The following PQBP1 variants were observed in gnomAD, a reference collection of about 807,000 sequenced individuals.
The protein encoded by PQBP1 is polyglutamine-binding protein 1.
A neutral mutation model predicts 20.9 loss-of-function variants in PQBP1; 3 were observed. The ratio of observed to expected loss-of-function variants is 0.14; its 90% confidence interval spans 0.07 to 0.37. PQBP1 has a LOEUF of 0.37. PQBP1 is among the 10% of genes least tolerant of loss of function. The pLI, the probability that PQBP1 is intolerant of heterozygous loss-of-function variation, is 1.00. For synonymous variants in PQBP1, 83 were observed against 93.8 expected (o/e 0.88, Z 0.67); for missense variants, 162 against 240.3 (o/e 0.67, Z 2.16).
At position 48,897,981 on chromosome X, in the gene PQBP1, T is replaced by A; in HGVS notation, c.-120T>A. On this transcript the variant is annotated 5_prime_UTR_variant, in exon 1 of 7. Transcript: ENST00000447146. ...AGGCCTCGTTGAGAGAAGGTCTCATTCGGTGTTTTGGGAAGAGAGTCGTGT... is the reference window on the plus strand; with the variant it reads ...AGGCCTCGTTGAGAGAAGGTCTCATACGGTGTTTTGGGAAGAGAGTCGTGT... 1 of 930,468 alleles carries A rather than the reference T, an allele frequency of 1.1e-6. No individual in the cohort carries two copies. 76.7% of individuals were successfully genotyped at this position (930,468 alleles called of 1,213,427 possible).
At chrX:48,898,289 G>C (rs1287257779) in intron 1 of PQBP1, 4 of 656,710 alleles carry the variant, frequency 6.1e-6, no homozygotes, top group Non-Finnish European at 9.7e-6. Flanking sequence ...CTGGTTTCGG[G>C]GACAGTAGGG....
intron 2 of PQBP1, 53 bp from the exon 3 acceptor site, chrX:48,901,136 GA>G: frequency 8.5e-7 from 1 of 1,179,843 alleles, no homozygotes; most frequent in East Asian, 3.1e-5. Flanking sequence ...CTACATGTAG[GA>G]TGAGGTCCCC....
intron 3 of PQBP1, 52 bp from the exon 4 acceptor site, chrX:48,901,878 G>C: frequency 8.3e-7 from 1 of 1,207,254 alleles, no homozygotes; most frequent in Admixed American, 2.2e-5. Context: ...CAAGAGTTGA[G>C]GATCCAAGGC....
chrX:48,902,437 A>G lies in PQBP1; in HGVS notation c.497A>G (p.Asp166Gly). 1 of 1,208,982 alleles carries G rather than the reference A, an allele frequency of 8.3e-7. No individual in the cohort carries two copies. The highest frequency in any genetic ancestry group is 1.1e-6 in the Non-Finnish European group (1 of 894,381). Residue 166 changes from aspartate (D) to glycine (G), a missense_variant, in exon 5 of 7, where the codon GAC becomes GGC. By Grantham distance (94) the Asp-to-Gly change is moderately conservative. Coordinates refer to ENST00000447146, the MANE Select transcript of PQBP1 (RefSeq NM_001032382.2). ...GAACGGGATCGGGACCGCGGGTATG[A>G]CAAGGCAGACCGGGAAGAGGGCAAA... ...DRERDRDRGY[D>G]KADREEGKER...
Position 48,898,067 on chromosome X carries a change from C to T in PQBP1, c.-34C>T, listed in dbSNP as rs781891692. ...GGGCGGTGTGACAGCCTTCCACTACCTGCACGAGTGTATTGGTAACGTTGG... is the reference window on the plus strand; with the variant it reads ...GGGCGGTGTGACAGCCTTCCACTACTTGCACGAGTGTATTGGTAACGTTGG... On this transcript the variant is annotated 5_prime_UTR_variant, in exon 1 of 7. Coordinates refer to ENST00000447146, the MANE Select transcript of PQBP1 (RefSeq NM_001032382.2). The T allele has an allele frequency of 1.3e-3, 1,320 of 1,036,439 alleles. 2 individuals carry two copies. Among genetic ancestry groups the T allele is most frequent in the Non-Finnish European group, 1.6e-3 (1,263 of 810,570 alleles). 85.4% of individuals were successfully genotyped at this position (1,036,439 alleles called of 1,213,427 possible).
chrX:48,902,932 A>G lies in PQBP1; in HGVS notation c.646A>G (p.Thr216Ala). 8.4e-7 allele frequency: 1 copy of G among 1,196,769 alleles called. No individual in the cohort carries two copies. Among genetic ancestry groups the G allele is most frequent in the Non-Finnish European group, 1.1e-6 (1 of 888,234 alleles). ...CCCTGACTCTTTCACCGGCAGGGGC[A>G]CGTGGTCAACAGGACTCCCCAAGCG... ...PSSYSDAPRGTWSTGLPKRNE... is the reference protein window; with the variant it reads ...PSSYSDAPRGAWSTGLPKRNE... Residue 216 changes from threonine to alanine, a missense_variant, in exon 7 of 7, where the codon ACG becomes GCG. By Grantham distance (58) the Thr-to-Ala change is moderately conservative. Coordinates refer to ENST00000447146, the MANE Select transcript of PQBP1 (RefSeq NM_001032382.2).
chrX:48,901,147 CT>C, intron 2 of PQBP1, 42 bp from the exon 3 acceptor site: 1 of 1,187,010 alleles, frequency 8.4e-7, no homozygotes, highest in Admixed American at 2.4e-5. Context: ...ATGAGGTCCC[CT>C]GGTCCTTATC....
At position 48,902,270 on chromosome X, in the gene PQBP1, G is replaced by A. The variant is rs2063429464; in HGVS notation, c.330G>A (p.Ser110=). The change falls in exon 5 of 7, where the codon TCG becomes TCA. Residue 110 remains serine, a synonymous_variant. Transcript: ENST00000447146. ...AGTTGGACCGGAGCCATGACAAGTC[G>A]GACAGGGGCCATGACAAGTCGGACC... The part of the protein sequence containing the change: ...EEKLDRSHDK[S]DRGHDKSDRS... The A allele has an allele frequency of 3.3e-6, 4 of 1,207,601 alleles. No individual in the cohort carries two copies. The highest frequency in any genetic ancestry group is 3.0e-5 in the East Asian group (1 of 33,730).
In PQBP1 at chrX:48,902,478, C is replaced by T; in HGVS notation, c.538C>T (p.Arg180Cys). 10 of 1,206,741 alleles carry T rather than the reference C, an allele frequency of 8.3e-6. No homozygotes were observed. The highest frequency in any genetic ancestry group is 1.1e-5 in the Non-Finnish European group (10 of 893,638). The change falls in exon 5 of 7, where the codon CGC becomes TGC. Residue 180 changes from arginine to cysteine, a missense_variant. Transcript: ENST00000447146. ...AGAGGGCAAAGAACGGCGCCACCAT[C>T]GCCGGGAGGAGCTGGCTCCCTATCC... Reference protein sequence around the residue: ...REEGKERRHHRREELAPYPKS... With the variant: ...REEGKERRHHCREELAPYPKS...
In PQBP1 at chrX:48,902,807, C is replaced by A; in HGVS notation, c.641+12C>A. 1 of 1,198,742 alleles carries A rather than the reference C, an allele frequency of 8.3e-7. No homozygotes were observed. Among genetic ancestry groups the A allele is most frequent in the Non-Finnish European group, 1.1e-6 (1 of 889,051 alleles). ...TCAGACGCCCCCCGGTAAGTGACAA[C>A]CCCTCTTGACTCAGTACGTGGACAC... On this transcript the variant is annotated intron_variant, in intron 6 of 6. Transcript: ENST00000447146.
chrX:48,899,791 G>T (rs985609942), intron 2 of PQBP1, among the ~76,000 whole-genome samples: 1 of 111,595 alleles, frequency 9.0e-6, no homozygotes, highest in East Asian at 2.8e-4. Context: ...GGCCTACTGT[G>T]CTCTGGCTGC....
intron 2 of PQBP1, among the ~76,000 whole-genome samples, chrX:48,899,166 C>T (rs1557040429): frequency 9.1e-6 from 1 of 110,087 alleles, no homozygotes; most frequent in African/African-American, 3.3e-5. Flanking sequence ...TTAGTAGAGA[C>T]GGGTTTCACC....
At chrX:48,898,679 C>A in intron 2 of PQBP1, 103 bp downstream of exon 2, 3 of 831,613 alleles carry the variant, frequency 3.6e-6, no homozygotes, top group East Asian at 3.4e-5. Context: ...AACTGTGCAC[C>A]AAGCAATGGG....
At position 48,898,056 on chromosome X, in the gene PQBP1, C is replaced by A. The variant is rs909079551; in HGVS notation, c.-45C>A. The A allele has an allele frequency of 1.5e-5, 15 of 1,033,261 alleles. No individual in the cohort carries two copies. The highest frequency in any genetic ancestry group is 1.9e-5 in the Non-Finnish European group (15 of 808,226). The allele number at this position is 1,033,261 out of a possible 1,213,427, so 85.2% of individuals were successfully genotyped here. On this transcript the variant is annotated 5_prime_UTR_variant, in exon 1 of 7. Coordinates refer to ENST00000447146, the MANE Select transcript of PQBP1 (RefSeq NM_001032382.2). ...ACGAGAGAGACGGGCGGTGTGACAG[C>A]CTTCCACTACCTGCACGAGTGTATT... is the stretch of plus-strand genomic sequence containing the variant.
intron 1 of PQBP1, 90 bp from the exon 2 acceptor site, chrX:48,898,402 T>G: frequency 1.2e-6 from 1 of 808,738 alleles, no homozygotes; most frequent in Non-Finnish European, 1.9e-6. Flanking sequence ...CGGAGTCAGA[T>G]GAGTACATGT....
intron 3 of PQBP1, chrX:48,901,604 A>G (rs1446317947): frequency 1.4e-5 from 7 of 494,638 alleles, no homozygotes; most frequent in African/African-American, 2.4e-5. Flanking sequence ...TCAGCCTCCC[A>G]GGTAGCTGGG....
At position 48,901,268 on chromosome X, in the gene PQBP1, C is replaced by T; in HGVS notation, c.146C>T (p.Pro49Leu). The T allele has an allele frequency of 8.3e-7, 1 of 1,208,554 alleles. No homozygotes were observed. Among genetic ancestry groups the T allele is most frequent in the South Asian group, 1.8e-5 (1 of 56,049 alleles). ...GAGGCCACCAGGTTGGAGGGCCTAC[C>T]ACCAAGCTGGTACAAGGTGTTCGAC... Reference protein sequence around the residue: ...DYEATRLEGLPPSWYKVFDPS... With the variant: ...DYEATRLEGLLPSWYKVFDPS... Residue 49 changes from proline to leucine, a missense_variant, in exon 3 of 7, where the codon CCA becomes CTA. Pro to Leu is a moderately conservative substitution (Grantham distance 98, BLOSUM62 -3). Transcript: ENST00000447146.
intron 2 of PQBP1, 47 bp downstream of exon 2, chrX:48,898,623 A>T: frequency 6.1e-6 from 7 of 1,155,390 alleles, no homozygotes; most frequent in Non-Finnish European, 7.1e-6. Context: ...CAGCCTCGAC[A>T]GGCACTTTTG....
chrX:48,901,316 G>T lies in PQBP1; in HGVS notation c.179+15G>T. The T allele has an allele frequency of 1.7e-6, 2 of 1,188,421 alleles. No individual in the cohort carries two copies. The highest frequency in any genetic ancestry group is 2.3e-6 in the Non-Finnish European group (2 of 883,411). On this transcript the variant is annotated intron_variant, in intron 3 of 6. Transcript: ENST00000447146. ...GACCCTTCCTGGTGAGCCTGGGTGAGGGGGAGCTAACTTCTGGCTTCACCC... is the reference window on the plus strand; with the variant it reads ...GACCCTTCCTGGTGAGCCTGGGTGATGGGGAGCTAACTTCTGGCTTCACCC...
Sources: allele counts gnomAD v4.1 joint callset (sites outside exome capture counted in the v4.1 genomes callset), GRCh38; gene constraint gnomAD v4.1.1; transcripts MANE v1.5; gene names NCBI Gene and HGNC (gene_info 2026-07-23, HGNC 2026-07-21).